The following ANKS6 variants were observed in gnomAD, a reference collection of about 807,000 sequenced individuals.
The protein encoded by ANKS6 is ankyrin repeat and SAM domain-containing protein 6.
A neutral mutation model predicts 77.9 loss-of-function variants in ANKS6; 47 were observed. That is an observed-to-expected ratio of 0.60 (90% confidence interval 0.48 to 0.77). ANKS6 has a LOEUF of 0.77. ANKS6 is among the 30% of genes least tolerant of loss of function. The pLI is 0.00. For missense variants in ANKS6, 1,150 were observed against 1,159.1 expected (o/e 0.99, Z 0.11); for synonymous variants, 488 against 501.7 (o/e 0.97, Z 0.37).
chr9:98,781,042 A>T (rs914015533), intron 5 of ANKS6, among the ~76,000 whole-genome samples: 6 of 151,960 alleles, frequency 3.9e-5, no homozygotes, highest in African/African-American at 1.5e-4. Flanking sequence ...CTGGGGCTAC[A>T]GTGCCCGCCA....
At chr9:98,759,744 A>G (rs1299983214) in intron 11 of ANKS6, among the ~76,000 whole-genome samples, 1 of 152,234 alleles carries the variant, frequency 6.6e-6, no homozygotes, top group Non-Finnish European at 1.5e-5. Context: ...CCAAGAATGG[A>G]AAGTGAAACA....
chr9:98,793,630 CCTGCCTCAGCCTCCCGAGTAGCTGGGACT>C (rs1835020306), intron 1 of ANKS6, among the ~76,000 whole-genome samples: 1 of 151,948 alleles, frequency 6.6e-6, no homozygotes, highest in Non-Finnish European at 1.5e-5. Context: ...AAGCGATTCT[CCTGCCTCAGCCTCCCGAGTAGCTGGGACT>C]ACAGGTGCGT....
rs377430998 is a variant in ANKS6 at position 98,762,142 on chromosome 9, T to C, written c.2143-5539A>G. Among the ~76,000 whole-genome samples the C allele has an allele frequency of 2.0e-5, 3 of 152,186 alleles. No individual in the cohort carries two copies. The South Asian group carries it at 6.2e-4, about 31-fold the overall frequency. On this transcript the variant is annotated intron_variant, in intron 11 of 14. Coordinates refer to ENST00000353234, the MANE Select transcript of ANKS6 (RefSeq NM_173551.5). ...ATATTCCATATAATACATTTTCACA[T>C]AACTTCAATTTCATACATGTTAAAT...
intron 11 of ANKS6, among the ~76,000 whole-genome samples, chr9:98,766,910 T>C (rs141110239): frequency 9.2e-5 from 14 of 152,214 alleles, no homozygotes; most frequent in African/African-American, 3.1e-4. Flanking sequence ...CTAAGAACTA[T>C]GAAGAGTGGG....
Position 98,778,393 on chromosome 9 carries a change from C to A in ANKS6, c.1400G>T (p.Arg467Leu), listed in dbSNP as rs541130489. 1 of 1,613,958 alleles carries A rather than the reference C, an allele frequency of 6.2e-7. No homozygotes were observed. Among genetic ancestry groups the A allele is most frequent in the African/African-American group, 1.3e-5 (1 of 74,896 alleles). Residue 467 changes from arginine (R) to leucine (L), a missense_variant, in exon 7 of 15, where the codon CGA (arginine) becomes CTA (leucine). By Grantham distance (102) the Arg-to-Leu change is moderately radical. Transcript: ENST00000353234. ...SWWNRMSNRF[R>L]KLKLMQTLPR... is the part of the protein sequence containing the mutation. The stretch of plus-strand genomic sequence containing the variant: ...CAGCGTCTGCATCAGTTTGAGCTTT[C>A]GGAACCGATTGGACATTCGGTTCCA...
chr9:98,748,310 G>C (rs1198605332), intron 13 of ANKS6, among the ~76,000 whole-genome samples: 4 of 152,330 alleles, frequency 2.6e-5, no homozygotes, highest in Non-Finnish European at 5.9e-5. Context: ...GAGCACCAGA[G>C]ACGGAATTCC....
chr9:98,754,985 G>A (rs983369144), intron 12 of ANKS6, among the ~76,000 whole-genome samples: 1 of 152,168 alleles, frequency 6.6e-6, no homozygotes, highest in African/African-American at 2.4e-5. Context: ...AAACCTCAGA[G>A]GTGGGAGAAT....
chr9:98,732,146 GC>G lies in ANKS6; in HGVS notation c.*4372del. On this transcript the variant is annotated 3_prime_UTR_variant, in exon 15 of 15. Coordinates refer to ENST00000353234, the MANE Select transcript of ANKS6 (RefSeq NM_173551.5). ...CAGCGACAGGATGGTGCTTCACAGT[GC>G]CTCCTGCTGATGGCACCTTCATTCT... 1 of 314,080 alleles carries G rather than the reference GC, an allele frequency of 3.2e-6. No individual in the cohort carries two copies. Among genetic ancestry groups the G allele is most frequent in the South Asian group, 4.5e-5 (1 of 22,116 alleles). 19.5% of individuals were successfully genotyped at this position (314,080 alleles called of 1,614,324 possible).
rs146038901 is a variant in ANKS6, at chr9:98,768,110, G to A, written c.2113C>T (p.Pro705Ser). The change falls in exon 11 of 15, where the codon CCT (proline) becomes TCT (serine). Residue 705 changes from proline to serine, a missense_variant. Physicochemically the swap from Pro to Ser is moderately conservative, Grantham distance 74. Transcript: ENST00000353234. ...GSSPSELPAS[P>S]AGGSAPVGKK... is the part of the protein sequence containing the mutation. The stretch of plus-strand genomic sequence containing the variant: ...CCAACAGGAGCGCTGCCACCTGCAG[G>A]GGAGGCTGGAAGCTCAGACGGGCTG... 5.8e-5 allele frequency: 94 copies of A among 1,612,126 alleles called. No homozygotes were observed. The African/African-American group carries it at 1.2e-3, about 21-fold the overall frequency.
chr9:98,793,728 T>G (rs1219678800), intron 1 of ANKS6, among the ~76,000 whole-genome samples: 2 of 144,038 alleles, frequency 1.4e-5, no homozygotes, highest in Admixed American at 7.0e-5. Context: ...AGAGACAGGG[T>G]TTCACTATGT....
intron 14 of ANKS6, among the ~76,000 whole-genome samples, chr9:98,745,167 C>A (rs919552348): frequency 3.3e-5 from 5 of 152,194 alleles, no homozygotes; most frequent in Admixed American, 6.5e-5. Context: ...CCTTGACACA[C>A]CACCATCATC....
chr9:98,784,957 C>G, intron 2 of ANKS6, 81 bp from the exon 3 acceptor site: 1 of 1,304,144 alleles, frequency 7.7e-7, no homozygotes, highest in South Asian at 1.3e-5. Flanking sequence ...ACAACACAGC[C>G]TGGCTTTAAA....
chr9:98,787,372 C>CTT lies in ANKS6; in HGVS notation c.863-2498_863-2497dup, dbSNP rs564456975. ...CCACACCCAACCTCTTTACACTGCCCTTTTTTTTTTTTTTTTAACCCTGTG... is the reference window on the plus strand; with the variant it reads ...CCACACCCAACCTCTTTACACTGCCCTTTTTTTTTTTTTTTTTTAACCCTGTG... On this transcript the variant is annotated intron_variant, in intron 2 of 14. Transcript: ENST00000353234. Among the ~76,000 whole-genome samples, 490 of 141,214 alleles carry CTT rather than the reference C, an allele frequency of 3.5e-3. 1 individual carries two copies. Among genetic ancestry groups the CTT allele is most frequent in the Middle Eastern group, 0.018 (5 of 274 alleles). 92.6% of individuals were successfully genotyped at this position (141,214 alleles called of 152,430 possible).
chr9:98,766,414 A>T (rs1833293643), intron 11 of ANKS6, among the ~76,000 whole-genome samples: 1 of 152,228 alleles, frequency 6.6e-6, no homozygotes, highest in Non-Finnish European at 1.5e-5. Context: ...AAGAAACACT[A>T]TATCAAAGCC....
At chr9:98,785,568 C>A (rs1271365254) in intron 2 of ANKS6, among the ~76,000 whole-genome samples, 1 of 152,234 alleles carries the variant, frequency 6.6e-6, no homozygotes, top group Non-Finnish European at 1.5e-5. Context: ...CCCTCCCTCA[C>A]ATGCTCATCC....
In ANKS6 at chr9:98,732,649, T is replaced by C; in HGVS notation, c.*3870A>G. On this transcript the variant is annotated 3_prime_UTR_variant, in exon 15 of 15. Coordinates refer to ENST00000353234, the MANE Select transcript of ANKS6 (RefSeq NM_173551.5). ...TTGAGGTTTCCCACATCTGCACCGC[T>C]CCACAGTGTGAAAAGGGCTTTCTCA... 6.5e-7 allele frequency: 1 copy of C among 1,532,768 alleles called. No homozygotes were observed. The highest frequency in any genetic ancestry group is 1.2e-5 in the South Asian group (1 of 81,900). The allele number at this position is 1,532,768 out of a possible 1,614,324, so 94.9% of individuals were successfully genotyped here.
At chr9:98,754,647 A>G (rs1338761682) in intron 12 of ANKS6, among the ~76,000 whole-genome samples, 1 of 152,056 alleles carries the variant, frequency 6.6e-6, no homozygotes, top group Non-Finnish European at 1.5e-5. Context: ...GTCTCAAAAA[A>G]AAAAAAGCTC....
chr9:98,773,756 A>G, intron 9 of ANKS6, 121 bp downstream of exon 9: 2 of 841,964 alleles, frequency 2.4e-6, no homozygotes, highest in Non-Finnish European at 3.3e-6. Flanking sequence ...TCATCCATTC[A>G]AAAGAAAAAA....
In ANKS6 at chr9:98,796,251, C is replaced by G; in HGVS notation, c.241G>C (p.Ala81Pro). The change falls in exon 1 of 15, where the codon GCA becomes CCA. Residue 81 changes from alanine (A) to proline (P), a missense_variant. Ala to Pro is a conservative substitution (Grantham distance 27, BLOSUM62 -1). Coordinates refer to ENST00000353234, the MANE Select transcript of ANKS6 (RefSeq NM_173551.5). ...CCCCCGGCCGCGGCGAACTGCAGTG[C>G]GGTGTTGCCCGCCTCGTCCGAGCAA... Reference protein sequence around the residue: ...VDCSDEAGNTALQFAAAGGHE... With the variant: ...VDCSDEAGNTPLQFAAAGGHE... 7.2e-7 allele frequency: 1 copy of G among 1,381,352 alleles called. No individual in the cohort carries two copies. The highest frequency in any genetic ancestry group is 9.4e-7 in the Non-Finnish European group (1 of 1,063,214). 85.6% of individuals were successfully genotyped at this position (1,381,352 alleles called of 1,614,324 possible).
Sources: gnomAD v4.1 joint callset for allele counts (sites outside exome capture counted in the v4.1 genomes callset) on GRCh38, gnomAD v4.1.1 for gene constraint, MANE v1.5 for transcripts, NCBI Gene and HGNC (gene_info 2026-07-23, HGNC 2026-07-21) for gene names.